Variants in KCNQ3 observed in about 807,000 individuals in gnomAD.
KCNQ3 encodes the protein potassium voltage-gated channel subfamily KQT member 3.
Under a neutral mutation model 92.5 loss-of-function variants are expected in KCNQ3, and 30 were observed. That is an observed-to-expected ratio of 0.32 (90% CI 0.24 to 0.44). The LOEUF is 0.44. Ranked by LOEUF, KCNQ3 falls within the 20% of genes least tolerant of loss-of-function variation. The probability of loss-of-function intolerance (pLI) is 1.00; values close to 1 mark genes in which losing one functional copy is unlikely to be tolerated. For missense variants in KCNQ3, 913 were observed against 1,140.3 expected, an observed-to-expected ratio of 0.80 and a Z score of 2.87; for synonymous variants, 450 against 468.8, an observed-to-expected ratio of 0.96 and a Z score of 0.52.
At chr8:132,175,325 T>G (rs75870584) in intron 5 of KCNQ3, 128 bp downstream of exon 5, 5 of 1,020,588 alleles carry the variant, frequency 4.9e-6, no homozygotes, top group Non-Finnish European at 6.2e-6. Context: ...GAGCTGAAAT[T>G]GGTCTAGAGC....
chr8:132,369,363 G>A (rs763165457), intron 1 of KCNQ3, among the ~76,000 whole-genome samples: 8 of 152,106 alleles, frequency 5.3e-5, no homozygotes, highest in Non-Finnish European at 7.3e-5. Flanking sequence ...TTGAGAGGGA[G>A]TTTCTCCATA....
At chr8:132,277,863 G>GT (rs1459223012) in intron 1 of KCNQ3, 33 of 841,128 alleles carry the variant, frequency 3.9e-5, no homozygotes, top group Non-Finnish European at 4.4e-5. Context: ...TTGTTGGAAG[G>GT]TTTTTTCTTC....
At chr8:132,386,905 A>G (rs1021334211) in intron 1 of KCNQ3, among the ~76,000 whole-genome samples, 38 of 152,336 alleles carry the variant, frequency 2.5e-4, no homozygotes, top group African/African-American at 7.9e-4. Flanking sequence ...AACTAACAAC[A>G]ATATGATTTA....
At chr8:132,200,325 G>T (rs528600251) in intron 1 of KCNQ3, among the ~76,000 whole-genome samples, 3 of 151,442 alleles carry the variant, frequency 2.0e-5, no homozygotes, top group Non-Finnish European at 4.4e-5. Context: ...TTTAATTATT[G>T]TCTATGGTTG....
intron 1 of KCNQ3, among the ~76,000 whole-genome samples, chr8:132,373,807 C>T (rs555042521): frequency 1.4e-4 from 21 of 152,280 alleles, no homozygotes; most frequent in African/African-American, 4.6e-4. Context: ...AAGATGAGTC[C>T]TCCCTGCCCA....
rs752305044 is a variant in KCNQ3 at position 132,186,929 on chromosome 8, T to TGAGAGAGAGAGA, written c.387-749_387-748insTCTCTCTCTCTC. 5.6e-3 allele frequency among the ~76,000 whole-genome samples: 553 copies of TGAGAGAGAGAGA among 98,384 alleles called. 25 individuals are homozygous for TGAGAGAGAGAGA. Among genetic ancestry groups the TGAGAGAGAGAGA allele is most frequent in the Middle Eastern group, 0.013 (2 of 160 alleles). 64.5% of individuals were successfully genotyped at this position (98,384 alleles called of 152,430 possible). ...GTGCGTGTGTGTGTGTGTGTGTGTGTGTGTGAGAGAGAGAGAGAGAGAGAG... is the reference window on the plus strand; with the variant it reads ...GTGCGTGTGTGTGTGTGTGTGTGTGTGAGAGAGAGAGAGTGTGAGAGAGAGAGAGAGAGAGAG... On this transcript the variant is annotated intron_variant, in intron 1 of 14. Transcript: ENST00000388996.
At chr8:132,147,966 T>C (rs1825504981) in intron 9 of KCNQ3, among the ~76,000 whole-genome samples, 1 of 152,184 alleles carries the variant, frequency 6.6e-6, no homozygotes, top group African/African-American at 2.4e-5. Flanking sequence ...ACATGGTCTA[T>C]CCTGAGAGAG....
chr8:132,228,889 A>G (rs1215490062), intron 1 of KCNQ3, among the ~76,000 whole-genome samples: 1 of 152,202 alleles, frequency 6.6e-6, no homozygotes. Context: ...TATCTTGCAG[A>G]TAAGAGGGAA....
chr8:132,304,466 A>G (rs769716477), intron 1 of KCNQ3, among the ~76,000 whole-genome samples: 10 of 152,186 alleles, frequency 6.6e-5, no homozygotes, highest in Admixed American at 2.0e-4. Context: ...CAGTTTTCTC[A>G]TGTCTGAAAT....
At chr8:132,154,953 GA>G (rs1390505324) in intron 9 of KCNQ3, among the ~76,000 whole-genome samples, 1 of 152,086 alleles carries the variant, frequency 6.6e-6, no homozygotes, top group African/African-American at 2.4e-5. Context: ...AAGATGGACG[GA>G]AGAAAATTAG....
chr8:132,455,935 C>T (rs1333317774), intron 1 of KCNQ3, among the ~76,000 whole-genome samples: 4 of 151,862 alleles, frequency 2.6e-5, no homozygotes, highest in African/African-American at 4.8e-5. Context: ...TTAGTAGAGA[C>T]GGGGTTTCAC....
intron 1 of KCNQ3, among the ~76,000 whole-genome samples, chr8:132,321,116 T>C (rs1397948869): frequency 6.6e-6 from 1 of 152,260 alleles, no homozygotes; most frequent in Non-Finnish European, 1.5e-5. Flanking sequence ...GTTGTGGTTA[T>C]TGAGTAGTTG....
chr8:132,154,223 T>TTTTTTTTTTTTTTTTTTG (rs1825737377), intron 9 of KCNQ3, among the ~76,000 whole-genome samples: 4 of 131,882 alleles, frequency 3.0e-5, no homozygotes, highest in Admixed American at 7.9e-5. Flanking sequence ...TTTTTTTTTT[T>TTTTTTTTTTTTTTTTTTG]AGCCAATCAG....
chr8:132,176,970 C>A (rs1308483683), intron 4 of KCNQ3, among the ~76,000 whole-genome samples: 1 of 152,212 alleles, frequency 6.6e-6, no homozygotes, highest in Non-Finnish European at 1.5e-5. Context: ...GCCAGCCATT[C>A]TCTTTGGTGA....
chr8:132,208,327 G>T (rs1422526826), intron 1 of KCNQ3, among the ~76,000 whole-genome samples: 1 of 151,998 alleles, frequency 6.6e-6, no homozygotes, highest in Non-Finnish European at 1.5e-5. Context: ...GCTCTTGGTG[G>T]TGACCAGCTA....
intron 1 of KCNQ3, among the ~76,000 whole-genome samples, chr8:132,262,465 C>A (rs186963314): frequency 6.6e-6 from 1 of 152,050 alleles, no homozygotes; most frequent in African/African-American, 2.4e-5. Flanking sequence ...GCAATAACAT[C>A]TCGATGAAGG....
chr8:132,174,730 T>C (rs1826489934), intron 5 of KCNQ3, among the ~76,000 whole-genome samples: 1 of 152,230 alleles, frequency 6.6e-6, no homozygotes, highest in African/African-American at 2.4e-5. Flanking sequence ...TGTCTGTGCA[T>C]GTATCTGTTC....
chr8:132,224,718 T>C (rs1480264896), intron 1 of KCNQ3, among the ~76,000 whole-genome samples: 2 of 151,850 alleles, frequency 1.3e-5, no homozygotes, highest in Non-Finnish European at 2.9e-5. Context: ...CCAAATTTTC[T>C]AGTCCATATT....
intron 1 of KCNQ3, among the ~76,000 whole-genome samples, chr8:132,388,011 AGAGGAAGAG>A (rs1287342715): frequency 6.8e-6 from 1 of 147,266 alleles, no homozygotes; most frequent in African/African-American, 2.6e-5. Context: ...AAGAAGAGGA[AGAGGAAGAG>A]GAAGAAGAAG....
Sources: gnomAD v4.1 joint callset for allele counts (sites outside exome capture counted in the v4.1 genomes callset) on GRCh38, gnomAD v4.1.1 for gene constraint, MANE v1.5 for transcripts, NCBI Gene and HGNC (gene_info 2026-07-23, HGNC 2026-07-21) for gene names.